The following MACROD2 variants were observed in gnomAD, a reference collection of about 807,000 sequenced individuals.
The protein encoded by MACROD2 is mono-ADP ribosylhydrolase 2.
In MACROD2, 36 loss-of-function variants were observed where a neutral mutation model predicts 70.4. The ratio of observed to expected loss-of-function variants is 0.51; its 90% CI spans 0.39 to 0.68. The LOEUF (loss-of-function observed/expected upper bound fraction) is 0.68, where lower values mean the gene tolerates loss of function less well. Ranked by LOEUF, MACROD2 falls within the 30% of genes least tolerant of loss-of-function variation. MACROD2 has a pLI of 0.00. For synonymous variants in MACROD2, 172 were observed against 178.8 expected, an observed-to-expected ratio of 0.96 and a Z score of 0.30; for missense variants, 496 against 538.4, an observed-to-expected ratio of 0.92 and a Z score of 0.78.
chr20:14,493,801 G>T (rs379159), intron 4 of MACROD2: 2 of 207,984 alleles, frequency 9.6e-6, no homozygotes, highest in Non-Finnish European at 2.0e-5. Flanking sequence ...ACATGTGTGT[G>T]CATAGTTACA....
At chr20:15,085,353 AAAC>A (rs2075738800) in intron 5 of MACROD2, among the ~76,000 whole-genome samples, 1 of 152,204 alleles carries the variant, frequency 6.6e-6, no homozygotes, top group South Asian at 2.1e-4. Context: ...CTTGGATATG[AAAC>A]AACAAGCACA....
intron 15 of MACROD2, among the ~76,000 whole-genome samples, chr20:15,988,945 A>C (rs563451601): frequency 2.6e-5 from 4 of 152,268 alleles, no homozygotes; most frequent in African/African-American, 7.2e-5. Flanking sequence ...ATGTAGATTC[A>C]TGGTGCTCTG....
intron 3 of MACROD2, among the ~76,000 whole-genome samples, chr20:14,492,807 T>G (rs1176182807): frequency 6.6e-6 from 1 of 152,140 alleles, no homozygotes; most frequent in Non-Finnish European, 1.5e-5. Flanking sequence ...GTTTAATACT[T>G]CAGCAGAAAC....
chr20:14,799,149 A>G (rs1302711087), intron 5 of MACROD2, among the ~76,000 whole-genome samples: 1 of 152,072 alleles, frequency 6.6e-6, no homozygotes. Flanking sequence ...GAAATACAAT[A>G]ACTTAATACT....
In MACROD2 at chr20:15,894,196, T is replaced by C. The variant is rs181731328; in HGVS notation, c.775+8385T>C. ...ATGCAGGACTGCACAGTATCCCTGT[T>C]GAGTGCCGGGGCTTCCGGTGCTAAG... On this transcript the variant is annotated intron_variant, in intron 10 of 17. Transcript: ENST00000684519. Among the ~76,000 whole-genome samples the C allele has an allele frequency of 3.9e-5, 6 of 152,348 alleles. No individual in the cohort carries two copies. The East Asian group carries it at 9.6e-4, about 24-fold the overall frequency.
At chr20:15,086,050 C>G (rs1444121187) in intron 5 of MACROD2, among the ~76,000 whole-genome samples, 1 of 152,062 alleles carries the variant, frequency 6.6e-6, no homozygotes, top group Non-Finnish European at 1.5e-5. Context: ...GAACCTCGCT[C>G]TGGTGAGGTG....
At chr20:15,613,953 T>G (rs556805196) in intron 8 of MACROD2, among the ~76,000 whole-genome samples, 7 of 152,362 alleles carry the variant, frequency 4.6e-5, no homozygotes, top group African/African-American at 1.7e-4. Flanking sequence ...GACTGCACCT[T>G]ACACCTATGG....
intron 3 of MACROD2, among the ~76,000 whole-genome samples, chr20:14,147,572 G>GT (rs371946274): frequency 7.9e-4 from 121 of 152,312 alleles, no homozygotes; most frequent in African/African-American, 2.9e-3. Flanking sequence ...ACCTCAGGTA[G>GT]TTTAACAATA....
At chr20:15,609,201 A>G (rs1200579172) in intron 8 of MACROD2, among the ~76,000 whole-genome samples, 1 of 152,188 alleles carries the variant, frequency 6.6e-6, no homozygotes, top group African/African-American at 2.4e-5. Context: ...CACTCCCTTC[A>G]GACTACCCTG....
Position 14,184,635 on chromosome 20 carries a change from CA to C in MACROD2, c.271+98908del, listed in dbSNP as rs201768328. Among the ~76,000 whole-genome samples, 820 of 152,026 alleles carry C rather than the reference CA, an allele frequency of 5.4e-3. 8 individuals are homozygous for C. The highest frequency in any genetic ancestry group is 0.038 in the Middle Eastern group (11 of 292). On this transcript the variant is annotated intron_variant, in intron 3 of 17. Transcript: ENST00000684519. ...TTGCTTTGGGCAGTAGGGCCATTTT[CA>C]CGATATTGATTCTTCCTATCCATGA...
chr20:15,361,624 T>G (rs1430537853), intron 6 of MACROD2, among the ~76,000 whole-genome samples: 1 of 152,242 alleles, frequency 6.6e-6, no homozygotes, highest in Non-Finnish European at 1.5e-5. Context: ...GGAATTGTGT[T>G]AAACTTCTAT....
At chr20:14,421,335 G>C (rs1568604439) in intron 3 of MACROD2, among the ~76,000 whole-genome samples, 1 of 151,978 alleles carries the variant, frequency 6.6e-6, no homozygotes, top group South Asian at 2.1e-4. Flanking sequence ...AGAAACCTTT[G>C]GTCCTATGCT....
chr20:15,877,982 G>T (rs1269912202), intron 9 of MACROD2, among the ~76,000 whole-genome samples: 3 of 152,022 alleles, frequency 2.0e-5, no homozygotes, highest in Non-Finnish European at 4.4e-5. Flanking sequence ...GGAGTGGAGA[G>T]GATGCCGTAA....
At chr20:15,052,170 T>G (rs1180553714) in intron 5 of MACROD2, among the ~76,000 whole-genome samples, 1 of 152,192 alleles carries the variant, frequency 6.6e-6, no homozygotes, top group East Asian at 1.9e-4. Flanking sequence ...CAACACCATA[T>G]TAAGGCTAGA....
At chr20:15,997,750 G>A (rs2066652247) in intron 15 of MACROD2, among the ~76,000 whole-genome samples, 2 of 152,198 alleles carry the variant, frequency 1.3e-5, no homozygotes, top group South Asian at 4.2e-4. Context: ...GTGAGTAGGG[G>A]CATCTTTGTC....
chr20:15,287,059 T>C (rs550080021), intron 6 of MACROD2, among the ~76,000 whole-genome samples: 2 of 152,322 alleles, frequency 1.3e-5, no homozygotes, highest in East Asian at 3.9e-4. Context: ...AGAAATGAAA[T>C]GTGAAGCAGT....
intron 3 of MACROD2, among the ~76,000 whole-genome samples, chr20:14,314,746 G>C (rs1348212102): frequency 6.9e-6 from 1 of 145,794 alleles, no homozygotes; most frequent in Non-Finnish European, 1.5e-5. Flanking sequence ...GGCAACAAGA[G>C]TGAGACTTCG....
intron 12 of MACROD2, among the ~76,000 whole-genome samples, chr20:15,942,166 AC>A (rs2065759447): frequency 6.6e-6 from 1 of 152,106 alleles, no homozygotes; most frequent in South Asian, 2.1e-4. Context: ...CTGCCTGCTT[AC>A]CCCCATGTAC....
chr20:15,655,466 G>A (rs1184390976), intron 8 of MACROD2, among the ~76,000 whole-genome samples: 1 of 151,922 alleles, frequency 6.6e-6, no homozygotes, highest in Non-Finnish European at 1.5e-5. Flanking sequence ...CAAGTGGTTT[G>A]GGGTTTAGGT....
Sources: gnomAD v4.1 joint callset for allele counts (sites outside exome capture counted in the v4.1 genomes callset) on GRCh38, gnomAD v4.1.1 for gene constraint, MANE v1.5 for transcripts, NCBI Gene and HGNC (gene_info 2026-07-23, HGNC 2026-07-21) for gene names.